The following ADAM22 variants were observed in gnomAD, a reference collection of about 807,000 sequenced individuals.
ADAM22 encodes the protein disintegrin and metalloproteinase domain-containing protein 22.
In ADAM22, 65 loss-of-function variants were observed where a neutral mutation model predicts 144.6. The observed-to-expected ratio is 0.45, with a 90% CI of 0.37 to 0.55. The LOEUF (loss-of-function observed/expected upper bound fraction) is 0.55. Among genes scored for constraint, ADAM22 ranks in the 20% least tolerant of loss-of-function variants. ADAM22 has a pLI of 0.00. For missense variants in ADAM22, 974 were observed against 1,184.9 expected, an observed-to-expected ratio of 0.82 and a Z score of 2.61; for synonymous variants, 391 against 412.6, an observed-to-expected ratio of 0.95 and a Z score of 0.63.
In ADAM22 at chr7:88,143,032, T is replaced by C. The variant is rs1835266891; in HGVS notation, c.1227T>C (p.Tyr409=). The C allele has an allele frequency of 1.9e-6, 3 of 1,602,404 alleles. No homozygotes were observed. The highest frequency in any genetic ancestry group is 2.6e-6 in the Non-Finnish European group (3 of 1,170,990). ...SGCIMGDTGY[Y]LPKKFTQCNI... ...CTTTTCTTCTCTTTTATAGCTATTA[T>C]CTTCCTAAAAAGTTCACCCAGTGTA... The change falls in exon 15 of 32, where the codon TAT becomes TAC. Residue 409 remains tyrosine (Y), a synonymous_variant. Transcript: ENST00000413139.
intron 14 of ADAM22, among the ~76,000 whole-genome samples, chr7:88,140,847 A>C (rs1834405391): frequency 6.6e-6 from 1 of 152,112 alleles, no homozygotes; most frequent in African/African-American, 2.4e-5. Context: ...AAAAAAGAAA[A>C]TGCAGGTTTT....
chr7:88,155,834 C>A (rs1417117659), intron 21 of ADAM22, 53 bp from the exon 22 acceptor site: 41 of 1,591,060 alleles, frequency 2.6e-5, no homozygotes, highest in Non-Finnish European at 3.4e-5. Context: ...TCTAACTGTA[C>A]ATGGTTTGCT....
In ADAM22 at chr7:88,201,029, G is replaced by A. The variant is rs1851167161; in HGVS notation, c.*4538G>A. The stretch of plus-strand genomic sequence containing the variant: ...TGCTCATAGCATATGCTCTGTGGGG[G>A]AGGTGCTTTTAATTCCAAGAGGAGC... On this transcript the variant is annotated 3_prime_UTR_variant, in exon 32 of 32. Transcript: ENST00000413139. 1 of 152,226 alleles carries A rather than the reference G, an allele frequency of 6.6e-6. No homozygotes were observed. Among genetic ancestry groups the A allele is most frequent in the Non-Finnish European group, 1.5e-5 (1 of 68,040 alleles). 9.4% of individuals were successfully genotyped at this position (152,226 alleles called of 1,614,324 possible).
At chr7:88,010,139 C>G (rs754470402) in intron 3 of ADAM22, among the ~76,000 whole-genome samples, 1 of 152,016 alleles carries the variant, frequency 6.6e-6, no homozygotes, top group Non-Finnish European at 1.5e-5. Flanking sequence ...CTTGGTGAGC[C>G]TACTTCTGGC....
At chr7:87,939,586 A>G (rs1205001722) in intron 2 of ADAM22, among the ~76,000 whole-genome samples, 1 of 152,254 alleles carries the variant, frequency 6.6e-6, no homozygotes, top group East Asian at 1.9e-4. Context: ...AACTTAGTAA[A>G]TATACTGAAA....
At chr7:88,043,103 A>G (rs1407437085) in intron 3 of ADAM22, among the ~76,000 whole-genome samples, 2 of 151,914 alleles carry the variant, frequency 1.3e-5, no homozygotes, top group African/African-American at 4.8e-5. Context: ...TTCAAACAAT[A>G]TTGCTGTTTC....
At chr7:88,033,405 C>T (rs1181919509) in intron 3 of ADAM22, among the ~76,000 whole-genome samples, 1 of 152,242 alleles carries the variant, frequency 6.6e-6, no homozygotes, top group Non-Finnish European at 1.5e-5. Flanking sequence ...CAGAGTCTCT[C>T]ATTCTGTGCT....
At chr7:88,105,572 C>T (rs1265991219) in intron 4 of ADAM22, among the ~76,000 whole-genome samples, 1 of 152,112 alleles carries the variant, frequency 6.6e-6, no homozygotes, top group Non-Finnish European at 1.5e-5. Flanking sequence ...TACTCTTAGC[C>T]CTGATGACAA....
intron 3 of ADAM22, among the ~76,000 whole-genome samples, chr7:88,009,307 G>A (rs527383425): frequency 3.3e-5 from 5 of 152,232 alleles, no homozygotes; most frequent in South Asian, 2.1e-4. Context: ...TGGTATGCTC[G>A]TATGATTAAC....
At chr7:88,111,614 CT>C (rs769042363) in intron 5 of ADAM22, among the ~76,000 whole-genome samples, 25 of 152,006 alleles carry the variant, frequency 1.6e-4, no homozygotes, top group Non-Finnish European at 3.4e-4. Flanking sequence ...GTAAGAATGG[CT>C]TTTTCATTTC....
intron 3 of ADAM22, among the ~76,000 whole-genome samples, chr7:87,998,230 G>A (rs569051092): frequency 2.0e-5 from 3 of 151,948 alleles, no homozygotes; most frequent in East Asian, 3.9e-4. Context: ...TGCCTCTCCC[G>A]GTCCACTGAC....
At chr7:88,182,117 C>A in intron 29 of ADAM22, 93 bp downstream of exon 29, 2 of 1,130,074 alleles carry the variant, frequency 1.8e-6, no homozygotes, top group Non-Finnish European at 1.3e-6. Flanking sequence ...GAACTGTAAA[C>A]CATGTCTCCG....
At chr7:88,181,383 G>T in intron 27 of ADAM22, 122 bp from the exon 28 acceptor site, 1 of 748,900 alleles carries the variant, frequency 1.3e-6, no homozygotes. Flanking sequence ...TTTCATTTCA[G>T]ATTTTTTCTT....
chr7:88,129,493 A>G (rs971855163), intron 9 of ADAM22, among the ~76,000 whole-genome samples: 5 of 152,094 alleles, frequency 3.3e-5, no homozygotes, highest in African/African-American at 1.2e-4. Context: ...ATAACAACAC[A>G]ATCAGGATTG....
intron 3 of ADAM22, among the ~76,000 whole-genome samples, chr7:88,054,588 C>CTGTGTGTGTGTGTGTGTGTG (rs58027941): frequency 1.8e-4 from 24 of 132,280 alleles, no homozygotes; most frequent in Middle Eastern, 3.8e-3. Flanking sequence ...AGGTGCCCTC[C>CTGTGTGTGTGTGTGTGTGTG]TGTGTGTGTG....
chr7:87,955,960 C>T (rs990719225), intron 2 of ADAM22, among the ~76,000 whole-genome samples: 8 of 152,212 alleles, frequency 5.3e-5, no homozygotes, highest in East Asian at 1.9e-4. Context: ...CCTGGTGCGC[C>T]GTTTCCTAAG....
intron 3 of ADAM22, among the ~76,000 whole-genome samples, chr7:87,988,282 G>C (rs1562928787): frequency 6.6e-6 from 1 of 152,140 alleles, no homozygotes; most frequent in Non-Finnish European, 1.5e-5. Flanking sequence ...CATTATTGCA[G>C]AATGGCATCT....
intron 3 of ADAM22, among the ~76,000 whole-genome samples, chr7:88,031,091 G>A (rs1479414836): frequency 6.6e-6 from 1 of 151,886 alleles, no homozygotes; most frequent in Non-Finnish European, 1.5e-5. Flanking sequence ...ACTCCAGCCT[G>A]GGCGACAGAG....
In ADAM22 at chr7:88,045,328, A is replaced by G. The variant is rs1443096352; in HGVS notation, c.324-30298A>G. Among the ~76,000 whole-genome samples, 4 of 152,252 alleles carry G rather than the reference A, an allele frequency of 2.6e-5. No homozygotes were observed. In the East Asian group the frequency reaches 5.8e-4, roughly 22 times the overall value. ...CCACCGCACCAGGCCTAATAGAGAC[A>G]TTTCAACCATGAATCTCCTTTGTTA... On this transcript the variant is annotated intron_variant, in intron 3 of 31. Coordinates refer to ENST00000413139, the MANE Select transcript of ADAM22 (RefSeq NM_001324418.2).
Sources: allele counts gnomAD v4.1 joint callset (sites outside exome capture counted in the v4.1 genomes callset), GRCh38; gene constraint gnomAD v4.1.1; transcripts MANE v1.5; gene names NCBI Gene and HGNC (gene_info 2026-07-23, HGNC 2026-07-21).